MAGT1: variants seen among roughly 807,000 people sequenced by gnomAD.
MAGT1 encodes dolichyl-diphosphooligosaccharide--protein glycosyltransferase subunit MAGT1.
A neutral mutation model predicts 28.4 loss-of-function variants in MAGT1; 4 were observed. That is an observed-to-expected ratio of 0.14 (90% CI 0.07 to 0.32). MAGT1 has a LOEUF of 0.32. Ranked by LOEUF, MAGT1 falls within the 10% of genes least tolerant of loss-of-function variation. MAGT1 has a pLI of 1.00. For synonymous variants in MAGT1, 89 were observed against 89.7 expected, an observed-to-expected ratio of 0.99 and a Z score of 0.04; for missense variants, 193 against 264.5, an observed-to-expected ratio of 0.73 and a Z score of 1.88.
At chrX:77,863,379 G>A (rs1466800168) in intron 3 of MAGT1, among the ~76,000 whole-genome samples, 1 of 108,550 alleles carries the variant, frequency 9.2e-6, no homozygotes, top group Non-Finnish European at 1.9e-5. Flanking sequence ...GCCGGGCGTG[G>A]TGGTGTGCAC....
intron 7 of MAGT1, among the ~76,000 whole-genome samples, chrX:77,853,332 G>A (rs1418967293): frequency 2.7e-5 from 3 of 112,004 alleles, no homozygotes; most frequent in Non-Finnish European, 5.6e-5. Context: ...AATTATATGA[G>A]TAAAAATGAA....
In MAGT1 at chrX:77,876,146, ATATATATATATATATATATTTTTTTTT is replaced by A. The variant is rs1399572941; in HGVS notation, c.103-576_103-550del. ...ACACCTGGCCTTTATATATATATAT[ATATATATATATATATATATTTTTTTTT>A]TTTTTTTTTTTTTGTAGAGACGGGG... On this transcript the variant is annotated intron_variant, in intron 1 of 9. Transcript: ENST00000618282. Among the ~76,000 whole-genome samples, 6 of 27,705 alleles carry A rather than the reference ATATATATATATATATATATTTTTTTTT, an allele frequency of 2.2e-4. No individual in the cohort carries two copies. The East Asian group carries it at 9.9e-3, about 46-fold the overall frequency. 24.1% of individuals were successfully genotyped at this position (27,705 alleles called of 115,157 possible). A position where few individuals can be genotyped will look rare whatever the true frequency, so the allele number is the denominator to read the frequency against.
intron 3 of MAGT1, among the ~76,000 whole-genome samples, chrX:77,870,455 T>C (rs942682678): frequency 9.0e-6 from 1 of 111,277 alleles, no homozygotes; most frequent in African/African-American, 3.3e-5. Flanking sequence ...ATCTATAGTA[T>C]AGATAGCTAT....
At chrX:77,846,143 T>G (rs1557214897) in intron 7 of MAGT1, among the ~76,000 whole-genome samples, 1 of 111,501 alleles carries the variant, frequency 9.0e-6, no homozygotes, top group Non-Finnish European at 1.9e-5. Flanking sequence ...TTTTTATTCT[T>G]TTTTCTCTAA....
chrX:77,864,262 T>A, intron 3 of MAGT1, among the ~76,000 whole-genome samples: 1 of 1,332 alleles, frequency 7.5e-4, no homozygotes, highest in African/African-American at 4.5e-3. Context: ...TGTGTTGTGG[T>A]GGGCGGGGTG....
chrX:77,863,224 AG>A (rs1164128039), intron 3 of MAGT1, among the ~76,000 whole-genome samples: 1 of 110,374 alleles, frequency 9.1e-6, no homozygotes, highest in African/African-American at 3.3e-5. Context: ...TATGAAAAAC[AG>A]TATAAGGCCA....
intron 7 of MAGT1, among the ~76,000 whole-genome samples, chrX:77,843,354 A>C (rs1484314067): frequency 8.9e-6 from 1 of 111,799 alleles, no homozygotes; most frequent in Non-Finnish European, 1.9e-5. Flanking sequence ...CTCCTGCCTC[A>C]GCCTCCTGAG....
At chrX:77,843,212 T>C (rs782022385) in intron 7 of MAGT1, among the ~76,000 whole-genome samples, 1 of 111,816 alleles carries the variant, frequency 8.9e-6, no homozygotes, top group African/African-American at 3.2e-5. Flanking sequence ...TTCATTACCA[T>C]CTTGCATTCT....
At chrX:77,835,177 G>A (rs1274998878) in intron 8 of MAGT1, among the ~76,000 whole-genome samples, 2 of 109,193 alleles carry the variant, frequency 1.8e-5, no homozygotes, top group African/African-American at 6.7e-5. Flanking sequence ...AGCCAGGATG[G>A]TCTCGATCTC....
chrX:77,837,598 C>T (rs1442886411), intron 8 of MAGT1, among the ~76,000 whole-genome samples: 1 of 110,923 alleles, frequency 9.0e-6, no homozygotes, highest in Non-Finnish European at 1.9e-5. Flanking sequence ...CGTTGTACCA[C>T]ATCCAGCTAA....
intron 1 of MAGT1, among the ~76,000 whole-genome samples, chrX:77,889,290 T>A (rs1369131614): frequency 9.5e-6 from 1 of 104,949 alleles, no homozygotes; most frequent in African/African-American, 3.5e-5. Flanking sequence ...CTCATTCTTT[T>A]TTAAATTTAA....
At chrX:77,872,738 TTTA>T (rs1461132909) in intron 2 of MAGT1, among the ~76,000 whole-genome samples, 1 of 111,963 alleles carries the variant, frequency 8.9e-6, no homozygotes, top group African/African-American at 3.2e-5. Context: ...TTTTACAGTA[TTTA>T]TTATATGTAC....
chrX:77,894,477 ATAGAGT>A (rs1393031853), intron 1 of MAGT1, among the ~76,000 whole-genome samples: 3 of 112,172 alleles, frequency 2.7e-5, no homozygotes, highest in Non-Finnish European at 5.6e-5. Context: ...TGTACAGGAA[ATAGAGT>A]TAGAATGACT....
At position 77,890,394 on chromosome X, in the gene MAGT1, C is replaced by T. The variant is rs1410781637; in HGVS notation, c.102+4915G>A. Reference sequence around the variant, plus strand: ...AGTGAGCATTTTTAATCCTTAAATGCCATCTGCTCCATTATCAGTTCACGT... The same window carrying T: ...AGTGAGCATTTTTAATCCTTAAATGTCATCTGCTCCATTATCAGTTCACGT... On this transcript the variant is annotated intron_variant, in intron 1 of 9. Transcript: ENST00000618282. Among the ~76,000 whole-genome samples, 3 of 111,894 alleles carry T rather than the reference C, an allele frequency of 2.7e-5. 1 individual carries two copies. Among genetic ancestry groups the T allele is most frequent in the African/African-American group, 9.7e-5 (3 of 30,802 alleles).
chrX:77,850,960 T>A (rs781828762), intron 7 of MAGT1, among the ~76,000 whole-genome samples: 2 of 110,294 alleles, frequency 1.8e-5, no homozygotes, highest in Non-Finnish European at 3.8e-5. Flanking sequence ...ACCATACTTT[T>A]CTTTTCTGTT....
intron 1 of MAGT1, among the ~76,000 whole-genome samples, chrX:77,877,681 T>C (rs1332605009): frequency 9.4e-6 from 1 of 105,892 alleles, no homozygotes; most frequent in Non-Finnish European, 1.9e-5. Context: ...GGCATGGTGG[T>C]GGGTGCCTGT....
At chrX:77,891,414 G>GCCTCAAGGGATCCTCCCATCA (rs1352730459) in intron 1 of MAGT1, among the ~76,000 whole-genome samples, 1 of 109,629 alleles carries the variant, frequency 9.1e-6, no homozygotes, top group East Asian at 2.9e-4. Flanking sequence ...CAAACTCTTG[G>GCCTCAAGGGATCCTCCCATCA]CCTCAAGGGA....
chrX:77,831,056 C>T (rs868946076), intron 8 of MAGT1, among the ~76,000 whole-genome samples, 161 bp from the exon 9 acceptor site: 12 of 108,331 alleles, frequency 1.1e-4, no homozygotes, highest in African/African-American at 3.7e-4. Flanking sequence ...CTCGCTCTTT[C>T]GCCCAGGCCG....
intron 8 of MAGT1, among the ~76,000 whole-genome samples, chrX:77,837,896 C>T: frequency 9.0e-6 from 1 of 111,011 alleles, no homozygotes; most frequent in South Asian, 3.8e-4. Context: ...GCACGTGACA[C>T]CATGCCTGGC....
Sources: allele counts gnomAD v4.1 joint callset (sites outside exome capture counted in the v4.1 genomes callset), GRCh38; gene constraint gnomAD v4.1.1; transcripts MANE v1.5; gene names NCBI Gene and HGNC (gene_info 2026-07-23, HGNC 2026-07-21).